The following STK39 variants were observed in gnomAD, a reference collection of about 807,000 sequenced individuals.
The protein encoded by STK39 is serine/threonine kinase 39.
STK39 carries 20 observed loss-of-function variants against 77.8 expected under a neutral mutation model. That is an observed-to-expected ratio of 0.26 (90% CI 0.18 to 0.37). STK39 has a LOEUF of 0.37. Among genes scored for constraint, STK39 ranks in the 10% least tolerant of loss-of-function variants. The pLI is 1.00. For missense variants in STK39, 479 were observed against 656.5 expected (o/e 0.73, Z 2.95); for synonymous variants, 246 against 234.1 (o/e 1.05, Z -0.47).
intron 16 of STK39, among the ~76,000 whole-genome samples, chr2:168,011,312 C>A (rs9678617): frequency 0.1 from 15,402 of 151,804 alleles, 2,627 homozygotes; most frequent in African/African-American, 0.35. Flanking sequence ...AAAAACAAAA[C>A]CAAAACCAAA....
intron 17 of STK39, among the ~76,000 whole-genome samples, chr2:167,957,043 CTG>C (rs1022982404): frequency 2.0e-5 from 3 of 152,004 alleles, no homozygotes; most frequent in African/African-American, 7.2e-5. Flanking sequence ...TCATAGTGTA[CTG>C]TTTTTTGAAC....
At chr2:168,211,909 C>G (rs1269276716) in intron 1 of STK39, among the ~76,000 whole-genome samples, 3 of 152,206 alleles carry the variant, frequency 2.0e-5, no homozygotes, top group African/African-American at 7.2e-5. Flanking sequence ...GTGTGCATAC[C>G]AGCTGCTGGG....
At chr2:168,023,921 C>T (rs1461441966) in intron 14 of STK39, among the ~76,000 whole-genome samples, 1 of 152,172 alleles carries the variant, frequency 6.6e-6, no homozygotes, top group Non-Finnish European at 1.5e-5. Context: ...TTCTCATCAA[C>T]AGCCCTCTTC....
intron 10 of STK39, among the ~76,000 whole-genome samples, chr2:168,087,495 C>A (rs541610396): frequency 3.3e-5 from 5 of 152,186 alleles, no homozygotes; most frequent in Admixed American, 6.5e-5. Context: ...TGATTCAATA[C>A]GTGGAAAAGC....
Position 168,247,276 on chromosome 2 carries a change from C to G in STK39, c.160G>C (p.Val54Leu). The G allele has an allele frequency of 9.3e-7, 1 of 1,074,246 alleles. No individual in the cohort carries two copies. The highest frequency in any genetic ancestry group is 4.4e-5 in the South Asian group (1 of 22,550). The allele number at this position is 1,074,246 out of a possible 1,614,324, so 66.5% of individuals were successfully genotyped here. A position where few individuals can be genotyped will look rare whatever the true frequency, so the allele number is the denominator to read the frequency against. Residue 54 changes from valine to leucine, a missense_variant, in exon 1 of 18, where the codon GTC (valine) becomes CTC (leucine). Coordinates refer to ENST00000355999, the MANE Select transcript of STK39 (RefSeq NM_013233.3). ...APAPAPAAQA[V>L]GWPICRDAYE... ...GCGTCCCTGCAGATGGGCCAGCCGA[C>G]AGCCTGTGCCGCCGGGGCCGGGGCC...
intron 1 of STK39, among the ~76,000 whole-genome samples, chr2:168,196,387 G>A (rs1394436275): frequency 6.6e-6 from 1 of 152,190 alleles, no homozygotes; most frequent in Non-Finnish European, 1.5e-5. Flanking sequence ...AAATGGCTGG[G>A]TGTGGTGGCT....
At chr2:168,190,972 A>G (rs1270011747) in intron 1 of STK39, among the ~76,000 whole-genome samples, 1 of 152,240 alleles carries the variant, frequency 6.6e-6, no homozygotes, top group Non-Finnish European at 1.5e-5. Context: ...ATAAACGGAT[A>G]CACCCACTGG....
intron 12 of STK39, among the ~76,000 whole-genome samples, chr2:168,072,626 A>C (rs1011468892): frequency 1.3e-5 from 2 of 152,248 alleles, no homozygotes; most frequent in Non-Finnish European, 2.9e-5. Context: ...CCTTAAACCT[A>C]CTAAGACAGG....
At chr2:168,141,548 G>A (rs949496771) in intron 5 of STK39, among the ~76,000 whole-genome samples, 3 of 152,144 alleles carry the variant, frequency 2.0e-5, no homozygotes, top group African/African-American at 7.2e-5. Context: ...AATTATTAAC[G>A]TACTATTCTT....
At chr2:168,053,872 G>A (rs1408436821) in intron 14 of STK39, among the ~76,000 whole-genome samples, 1 of 152,154 alleles carries the variant, frequency 6.6e-6, no homozygotes, top group Non-Finnish European at 1.5e-5. Flanking sequence ...CTAGCCAGCT[G>A]GAGAATTACA....
chr2:168,040,139 A>G (rs1282410339), intron 14 of STK39, among the ~76,000 whole-genome samples: 1 of 152,182 alleles, frequency 6.6e-6, no homozygotes. Flanking sequence ...AGCCGATTGT[A>G]TGCTGTGGTT....
intron 10 of STK39, among the ~76,000 whole-genome samples, chr2:168,089,597 TTAGGATTTCTAACATTTTTAA>T (rs2105430798): frequency 6.6e-6 from 1 of 152,330 alleles, no homozygotes; most frequent in South Asian, 2.1e-4. Context: ...TGTTAACAAC[TTAGGATTTCTAACATTTTTAA>T]TAGATGTATT....
intron 16 of STK39, among the ~76,000 whole-genome samples, chr2:167,978,996 G>A (rs11682396): frequency 0.17 from 26,407 of 151,936 alleles, 2,476 homozygotes; most frequent in East Asian, 0.37. Context: ...GGTCCATGAT[G>A]GAACATGATC....
At chr2:168,076,843 G>A (rs1236650899) in intron 10 of STK39, among the ~76,000 whole-genome samples, 2 of 152,016 alleles carry the variant, frequency 1.3e-5, no homozygotes, top group African/African-American at 2.4e-5. Context: ...TTCTAATGAC[G>A]GTGATTTTAA....
At chr2:167,990,544 T>C (rs1244329524) in intron 16 of STK39, among the ~76,000 whole-genome samples, 8 of 152,226 alleles carry the variant, frequency 5.3e-5, no homozygotes, top group African/African-American at 1.7e-4. Context: ...CACATCCAGC[T>C]TCTGGTTTCT....
chr2:167,975,022 T>C (rs1287093350), intron 16 of STK39, among the ~76,000 whole-genome samples: 2 of 152,230 alleles, frequency 1.3e-5, no homozygotes, highest in Non-Finnish European at 2.9e-5. Context: ...CCATCAGTTA[T>C]CAGTGCTATG....
intron 2 of STK39, among the ~76,000 whole-genome samples, chr2:168,178,680 C>T (rs545150557): frequency 7.9e-5 from 12 of 152,308 alleles, no homozygotes; most frequent in Non-Finnish European, 1.3e-4. Context: ...TTATTTAGCA[C>T]CAATGAGCTC....
In STK39 at chr2:168,118,602, C is replaced by CAAAAA. The variant is rs35533319; in HGVS notation, c.1089+10934_1089+10938dup. ...GTCACTTTCCCAGAACATATGCTTT[C>CAAAAA]AAAAAAAAAAAAAAAAAAAAACAAC... On this transcript the variant is annotated intron_variant, in intron 10 of 17. Transcript: ENST00000355999. 2.6e-3 allele frequency among the ~76,000 whole-genome samples: 306 copies of CAAAAA among 119,126 alleles called. 1 individual carries two copies. Among genetic ancestry groups the CAAAAA allele is most frequent in the Non-Finnish European group, 3.8e-3 (223 of 58,022 alleles). The allele number at this position is 119,126 out of a possible 152,430, so 78.2% of individuals were successfully genotyped here. A position where few individuals can be genotyped will look rare whatever the true frequency, so the allele number is the denominator to read the frequency against.
chr2:168,158,407 A>G (rs1688488988), intron 5 of STK39, among the ~76,000 whole-genome samples: 2 of 152,192 alleles, frequency 1.3e-5, no homozygotes, highest in African/African-American at 2.4e-5. Context: ...TGCTTCTCCT[A>G]TGCCCTGAAA....
Sources: gnomAD v4.1 joint callset for allele counts (sites outside exome capture counted in the v4.1 genomes callset) on GRCh38, gnomAD v4.1.1 for gene constraint, MANE v1.5 for transcripts, NCBI Gene and HGNC (gene_info 2026-07-23, HGNC 2026-07-21) for gene names.